Variants in EDARADD observed in about 807,000 individuals in gnomAD.
EDARADD encodes EDAR associated via death domain.
EDARADD carries 20 observed loss-of-function variants against 25.6 expected under a neutral mutation model. The ratio of observed to expected loss-of-function variants is 0.78; its 90% CI spans 0.55 to 1.14. EDARADD has a LOEUF of 1.14. EDARADD is among the 50% of genes most tolerant of loss of function. EDARADD has a pLI of 0.00. For synonymous variants in EDARADD, 86 were observed against 94.4 expected (o/e 0.91, Z 0.52); for missense variants, 225 against 270.1 (o/e 0.83, Z 1.17).
intron 4 of EDARADD, among the ~76,000 whole-genome samples, chr1:236,438,723 C>T (rs1431474452): frequency 6.6e-6 from 1 of 152,120 alleles, no homozygotes; most frequent in Non-Finnish European, 1.5e-5. Context: ...CTGAATTGAG[C>T]AAAAGGTGCA....
At position 236,483,998 on chromosome 1, in the gene EDARADD, C is replaced by T. The variant is rs1659759485; in HGVS notation, c.*1349C>T. ...ACATCTCACCTGACTGTCTGGCTGA[C>T]CTGTACAAGTCCTTCATCAAAAACT... On this transcript the variant is annotated 3_prime_UTR_variant, in exon 6 of 6. Transcript: ENST00000334232. 32 of 1,413,194 alleles carry T rather than the reference C, an allele frequency of 2.3e-5. No individual in the cohort carries two copies. Among genetic ancestry groups the T allele is most frequent in the Admixed American group, 3.4e-5 (2 of 59,512 alleles). 87.5% of individuals were successfully genotyped at this position (1,413,194 alleles called of 1,614,324 possible).
At position 236,484,641 on chromosome 1, in the gene EDARADD, C is replaced by T; in HGVS notation, c.*1992C>T. ...CTCTTCCTTAGAACTTCTACAGAAG[C>T]AGGTTGCAGTGAGCCGAGATTGCGC... On this transcript the variant is annotated 3_prime_UTR_variant, in exon 6 of 6. Transcript: ENST00000334232. The surrounding 1 kb of genome is among the most constrained non-coding windows in gnomAD (Gnocchi z 4.1). 1 of 522,698 alleles carries T rather than the reference C, an allele frequency of 1.9e-6. No individual in the cohort carries two copies. Among genetic ancestry groups the T allele is most frequent in the Non-Finnish European group, 3.5e-6 (1 of 288,488 alleles). The allele number at this position is 522,698 out of a possible 1,614,324, so 32.4% of individuals were successfully genotyped here. A position where few individuals can be genotyped will look rare whatever the true frequency, so the allele number is the denominator to read the frequency against.
intron 5 of EDARADD, among the ~76,000 whole-genome samples, chr1:236,472,132 G>C (rs1161217400): frequency 1.3e-5 from 2 of 152,060 alleles, no homozygotes; most frequent in Non-Finnish European, 2.9e-5. Flanking sequence ...GGAGGGAGGT[G>C]GGGGAAGAAA....
chr1:236,429,957 A>G (rs1276688905), intron 4 of EDARADD, among the ~76,000 whole-genome samples: 1 of 152,210 alleles, frequency 6.6e-6, no homozygotes, highest in Non-Finnish European at 1.5e-5. Flanking sequence ...ATATAACATC[A>G]AGTTAATTTG....
chr1:236,359,036 T>A (rs1288512767), intron 3 of EDARADD, among the ~76,000 whole-genome samples: 1 of 152,232 alleles, frequency 6.6e-6, no homozygotes, highest in Admixed American at 6.5e-5. Context: ...AAGAACTTGT[T>A]TTATGAATCT....
chr1:236,408,450 C>G (rs2483074), intron 1 of EDARADD, among the ~76,000 whole-genome samples: 1 of 151,878 alleles, frequency 6.6e-6, no homozygotes, highest in Non-Finnish European at 1.5e-5. Context: ...GTGATCTGCC[C>G]GGCTTGGCCT....
chr1:236,481,159 G>GT (rs1403470590), intron 5 of EDARADD, among the ~76,000 whole-genome samples: 1 of 152,074 alleles, frequency 6.6e-6, no homozygotes, highest in African/African-American at 2.4e-5. Context: ...CTGTGTTGTT[G>GT]TTTTTAAAAA....
intron 3 of EDARADD, among the ~76,000 whole-genome samples, chr1:236,370,192 G>A (rs1050640412): frequency 3.9e-5 from 6 of 152,096 alleles, no homozygotes; most frequent in Admixed American, 6.6e-5. Flanking sequence ...AGGTGCAGGC[G>A]GGCAGATTGC....
rs142570871 is a variant in EDARADD, at chr1:236,377,854, T to TA, written c.-6+27025dup. Among the ~76,000 whole-genome samples, 4,594 of 146,628 alleles carry TA rather than the reference T, an allele frequency of 0.031. 334 individuals carry two copies. In the East Asian group the frequency reaches 0.33, roughly 11 times the overall value. On this transcript the variant is annotated intron_variant, in intron 3 of 7. Coordinates refer to the EDARADD transcript ENST00000439430. ...GCCTCACGACAGAGTGAGACTCCAT[T>TA]AAAAAAAAAACAAAAACAGAAAACA...
At chr1:236,405,874 C>CTTCCTTCCTTCTTTCT (rs56931070) in intron 1 of EDARADD, among the ~76,000 whole-genome samples, 52 of 30,782 alleles carry the variant, frequency 1.7e-3, no homozygotes, top group East Asian at 5.1e-3. Flanking sequence ...TCCTTCCTTC[C>CTTCCTTCCTTCTTTCT]TTCTTTCTTT....
intron 4 of EDARADD, among the ~76,000 whole-genome samples, chr1:236,451,284 C>T (rs1315057368): frequency 6.6e-6 from 1 of 152,188 alleles, no homozygotes; most frequent in Non-Finnish European, 1.5e-5. Flanking sequence ...AGTCAGCTTT[C>T]TCCTCGGTAA....
intron 3 of EDARADD, 26 bp from the exon 4 acceptor site, chr1:236,427,366 T>C: frequency 1.9e-6 from 3 of 1,604,366 alleles, no homozygotes; most frequent in South Asian, 2.2e-5. Flanking sequence ...TTTGTTTCTT[T>C]CTTTCTTTCT....
intron 4 of EDARADD, among the ~76,000 whole-genome samples, chr1:236,460,044 T>C (rs1163600182): frequency 4.6e-5 from 7 of 152,226 alleles, no homozygotes; most frequent in Non-Finnish European, 1.0e-4. Context: ...TGCATATGTC[T>C]TCATTCCATT....
intron 3 of EDARADD, among the ~76,000 whole-genome samples, chr1:236,380,941 C>T (rs550967571): frequency 1.5e-3 from 226 of 152,258 alleles, no homozygotes; most frequent in Non-Finnish European, 2.5e-3. Context: ...ATCAACTGCA[C>T]ATATGTCAAG....
At chr1:236,366,439 T>C (rs1667112767) in intron 3 of EDARADD, among the ~76,000 whole-genome samples, 1 of 152,216 alleles carries the variant, frequency 6.6e-6, no homozygotes. Context: ...GTCCTCTGTG[T>C]ACACTGGGCA....
chr1:236,417,697 T>C (rs1383900172), intron 3 of EDARADD, among the ~76,000 whole-genome samples: 1 of 152,046 alleles, frequency 6.6e-6, no homozygotes, highest in Non-Finnish European at 1.5e-5. Context: ...TCGCAGAAGC[T>C]GCTGCTTGAT....
At chr1:236,423,607 G>A (rs535096562) in intron 3 of EDARADD, among the ~76,000 whole-genome samples, 1 of 152,262 alleles carries the variant, frequency 6.6e-6, no homozygotes, top group Non-Finnish European at 1.5e-5. Flanking sequence ...CCCCATGGGT[G>A]CCTTGTAAAG....
At chr1:236,464,593 C>A (rs1056149539) in intron 4 of EDARADD, among the ~76,000 whole-genome samples, 21 of 151,884 alleles carry the variant, frequency 1.4e-4, no homozygotes, top group Admixed American at 1.4e-3. Context: ...CCACCACATC[C>A]AGCTAATTTT....
chr1:236,383,036 T>G (rs1667318328), intron 3 of EDARADD, among the ~76,000 whole-genome samples: 2 of 152,120 alleles, frequency 1.3e-5, no homozygotes, highest in Non-Finnish European at 2.9e-5. Context: ...CAGTTCTAGC[T>G]CCTCAAACCA....
Sources: gnomAD v4.1 joint callset for allele counts (sites outside exome capture counted in the v4.1 genomes callset) on GRCh38, gnomAD v4.1.1 for gene constraint, Gnocchi (gnomAD v3.1) non-coding constraint, MANE v1.5 for transcripts, NCBI Gene and HGNC (gene_info 2026-07-23, HGNC 2026-07-21) for gene names.